Variants in CSHL1 observed in about 807,000 individuals in gnomAD.
The protein encoded by CSHL1 is chorionic somatomammotropin hormone like 1.
Under a neutral mutation model 24.3 loss-of-function variants are expected in CSHL1, and 25 were observed. That is an observed-to-expected ratio of 1.03 (90% CI 0.75 to 1.44). The LOEUF is 1.44. Ranked by LOEUF, CSHL1 falls within the 40% of genes most tolerant of loss-of-function variation. The pLI is 0.00. For missense variants in CSHL1, 342 were observed against 279.3 expected, an observed-to-expected ratio of 1.22 and a Z score of -1.60; for synonymous variants, 157 against 115.6, an observed-to-expected ratio of 1.36 and a Z score of -2.30.
At chr17:63,910,560 C>G (rs750536555) in intron 2 of CSHL1, 25 bp from the exon 3 acceptor site, 56 of 1,614,066 alleles carry the variant, frequency 3.5e-5, no homozygotes, top group Non-Finnish European at 4.5e-5. Context: ...GACCCCCCAC[C>G]AAGAAGGACC....
chr17:63,910,420 G>T lies in CSHL1; in HGVS notation c.306C>A (p.Ser102=). 1 of 1,614,202 alleles carries T rather than the reference G, an allele frequency of 6.2e-7. No individual in the cohort carries two copies. Among genetic ancestry groups the T allele is most frequent in the Middle Eastern group, 1.6e-4 (1 of 6,062 alleles). Reference sequence around the variant, plus strand: ...CCTAGGGGAGACAGCATCCACTCACGGATTTCTGCTGCGTTTCCTCCATGT... The same window carrying T: ...CCTAGGGGAGACAGCATCCACTCACTGATTTCTGCTGCGTTTCCTCCATGT... ...SSNMEETQQK[S]NLELLHISLL... is the part of the protein sequence containing the mutation. Residue 102 remains serine, a splice_region_variant and synonymous_variant, in exon 3 of 5, where the codon TCC becomes TCA. Coordinates refer to ENST00000309894, the MANE Select transcript of CSHL1 (RefSeq NM_022579.3).
chr17:63,910,071 G>T (rs767063106), intron 4 of CSHL1, 91 bp downstream of exon 4: 37 of 1,614,058 alleles, frequency 2.3e-5, no homozygotes, highest in East Asian at 4.5e-5. Context: ...GTCAGCGCCT[G>T]ACTGCTGAAA....
At position 63,910,342 on chromosome 17, in the gene CSHL1, C is replaced by T. The variant is rs189122126; in HGVS notation, c.307-16G>A. On this transcript the variant is annotated splice_polypyrimidine_tract_variant and intron_variant, in intron 3 of 4. Coordinates refer to ENST00000309894, the MANE Select transcript of CSHL1 (RefSeq NM_022579.3). ...GCTCTAAGTTCTGCAGGGGAAGGAC[C>T]GGCAGTGGCTGTGCTGCCCGGGGGC... 310 of 1,614,126 alleles carry T rather than the reference C, an allele frequency of 1.9e-4. 1 individual carries two copies. The highest frequency in any genetic ancestry group is 6.6e-4 in the Middle Eastern group (4 of 6,060).
Position 63,910,929 on chromosome 17 carries a change from G to C in CSHL1, c.11-5C>G, listed in dbSNP as rs1397327737. 3 of 1,613,690 alleles carry C rather than the reference G, an allele frequency of 1.9e-6. No individual in the cohort carries two copies. The highest frequency in any genetic ancestry group is 2.5e-6 in the Non-Finnish European group (3 of 1,179,934). ...GGAGCAGGGACGTCCGGGAGCCTGG[G>C]GAGAAACCGGAGGGCAAGAAGGGAG... On this transcript the variant is annotated splice_polypyrimidine_tract_variant and splice_region_variant and intron_variant, in intron 1 of 4. Coordinates refer to ENST00000309894, the MANE Select transcript of CSHL1 (RefSeq NM_022579.3).
Position 63,910,784 on chromosome 17 carries a change from T to C in CSHL1, c.151A>G (p.Ile51Val). 1 of 1,614,220 alleles carries C rather than the reference T, an allele frequency of 6.2e-7. No homozygotes were observed. The highest frequency in any genetic ancestry group is 8.5e-7 in the Non-Finnish European group (1 of 1,180,042). ...CTTATAAACTCCTGGTAGGTGTCAA[T>C]GGCCAGCTGGTGTGCGCGATGGGCT... ...LQAHRAHQLAIDTYQEFISSW... is the reference protein window; with the variant it reads ...LQAHRAHQLAVDTYQEFISSW... The change falls in exon 2 of 5, where the codon ATT (isoleucine) becomes GTT (valine). Residue 51 changes from isoleucine to valine, a missense_variant. Transcript: ENST00000309894.
rs1906980547 is a variant in CSHL1, at chr17:63,911,102, G to A, written c.10+85C>T. 7 of 1,611,800 alleles carry A rather than the reference G, an allele frequency of 4.3e-6. No individual in the cohort carries two copies. In the Middle Eastern group the frequency reaches 6.3e-4, roughly 146 times the overall value. On this transcript the variant is annotated intron_variant, in intron 1 of 4. Coordinates refer to ENST00000309894, the MANE Select transcript of CSHL1 (RefSeq NM_022579.3). Reference sequence around the variant, plus strand: ...ATTCACATTCAGAAGCCCCAAACCTGAGGTTAGTGCCCCCGTCCCATCTGC... The same window carrying A: ...ATTCACATTCAGAAGCCCCAAACCTAAGGTTAGTGCCCCCGTCCCATCTGC...
At chr17:63,910,996 G>A in intron 1 of CSHL1, 72 bp from the exon 2 acceptor site, 4 of 1,611,016 alleles carry the variant, frequency 2.5e-6, no homozygotes, top group Non-Finnish European at 3.4e-6. Flanking sequence ...TCCAGGAGCT[G>A]TTTTCTTTTT....
rs145983838 is a variant in CSHL1, at chr17:63,910,894, G to C, written c.41C>G (p.Ala14Gly). The C allele has an allele frequency of 2.6e-3, 4,214 of 1,614,122 alleles. 13 individuals carry two copies. The highest frequency in any genetic ancestry group is 2.9e-3 in the Non-Finnish European group (3,410 of 1,180,006). The change falls in exon 2 of 5, where the codon GCC (alanine) becomes GGC (glycine). Residue 14 changes from alanine to glycine, a missense_variant. Coordinates refer to ENST00000309894, the MANE Select transcript of CSHL1 (RefSeq NM_022579.3). ...TTGAAGCCAGGGCAGGCAGAGCAGG[G>C]CAAAAGCCAGGAGCAGGGACGTCCG... ...GSRTSLLLAF[A>G]LLCLPWLQEA...
chr17:63,910,975 A>C (rs8070629), intron 1 of CSHL1, 51 bp from the exon 2 acceptor site: 2 of 1,611,778 alleles, frequency 1.2e-6, no homozygotes, highest in South Asian at 2.2e-5. Context: ...AGAGGCCAGC[A>C]CTCTCCCTGT....
chr17:63,911,116 C>T (rs747149359), intron 1 of CSHL1, 71 bp downstream of exon 1: 44 of 1,611,974 alleles, frequency 2.7e-5, no homozygotes, highest in Admixed American at 2.3e-4. Context: ...TTAGTGCCCC[C>T]GTCCCATCTG....
At position 63,910,858 on chromosome 17, in the gene CSHL1, G is replaced by A; in HGVS notation, c.77C>T (p.Ala26Val). The change falls in exon 2 of 5, where the codon GCC (alanine) becomes GTC (valine). Residue 26 changes from alanine (A) to valine (V), a missense_variant. By Grantham distance (64) the Ala-to-Val change is moderately conservative. Coordinates refer to ENST00000309894, the MANE Select transcript of CSHL1 (RefSeq NM_022579.3). ...LCLPWLQEAG[A>V]VQTVPLSRLF... The stretch of plus-strand genomic sequence containing the variant: ...CCTGGATAAGGGAACGGTTTGGACG[G>A]CACCAGCCTCTTGAAGCCAGGGCAG... The A allele has an allele frequency of 3.1e-6, 5 of 1,614,182 alleles. No individual in the cohort carries two copies. The highest frequency in any genetic ancestry group is 4.2e-6 in the Non-Finnish European group (5 of 1,180,038).
chr17:63,910,244 T>C lies in CSHL1; in HGVS notation c.389A>G (p.Asn130Ser). The change falls in exon 4 of 5, where the codon AAC becomes AGC. Residue 130 changes from asparagine to serine, a missense_variant. Asn to Ser is a conservative substitution (Grantham distance 46, BLOSUM62 1). Coordinates refer to ENST00000309894, the MANE Select transcript of CSHL1 (RefSeq NM_022579.3). ...PVRFLRSTFT[N>S]NLVYDTSDSD... Reference sequence around the variant, plus strand: ...GTCCGAGGTGTCATACACCAGGTTGTTGGTGAAGGTACTCCTGAGGAACCG... The same window carrying C: ...GTCCGAGGTGTCATACACCAGGTTGCTGGTGAAGGTACTCCTGAGGAACCG... 5 of 1,614,160 alleles carry C rather than the reference T, an allele frequency of 3.1e-6. No homozygotes were observed. The highest frequency in any genetic ancestry group is 1.6e-4 in the Middle Eastern group (1 of 6,062).
rs1567794584 is a variant in CSHL1 at position 63,910,234 on chromosome 17, C to T, written c.399G>A (p.Val133=). Residue 133 remains valine, a synonymous_variant, in exon 4 of 5, where the codon GTG becomes GTA. Transcript: ENST00000309894. ...FLRSTFTNNL[V]YDTSDSDDYH... ...AGTCATCGCTGTCCGAGGTGTCATA[C>T]ACCAGGTTGTTGGTGAAGGTACTCC... 11 of 1,614,146 alleles carry T rather than the reference C, an allele frequency of 6.8e-6. No individual in the cohort carries two copies. Among genetic ancestry groups the T allele is most frequent in the Admixed American group, 5.0e-5 (3 of 60,026 alleles).
intron 4 of CSHL1, 96 bp downstream of exon 4, chr17:63,910,066 C>G (rs759359517): frequency 1.2e-6 from 2 of 1,614,012 alleles, no homozygotes; most frequent in African/African-American, 1.3e-5. Context: ...CTTGGGTCAG[C>G]GCCTGACTGC....
At position 63,910,365 on chromosome 17, in the gene CSHL1, G is replaced by A. The variant is rs377285134; in HGVS notation, c.307-39C>T. 5.1e-4 allele frequency: 816 copies of A among 1,614,100 alleles called. 2 individuals carry two copies. In the African/African-American group the frequency reaches 5.4e-3, roughly 11 times the overall value. ...ACCGGCAGTGGCTGTGCTGCCCGGG[G>A]GCTCTGACCACAGGTCTCCCCCATC... is the stretch of plus-strand genomic sequence containing the variant. On this transcript the variant is annotated intron_variant, in intron 3 of 4. Coordinates refer to ENST00000309894, the MANE Select transcript of CSHL1 (RefSeq NM_022579.3).
In CSHL1 at chr17:63,910,755, A is replaced by G. The variant is rs1405844302; in HGVS notation, c.180T>C (p.Ser60=). The change falls in exon 2 of 5, where the codon TCT becomes TCC. Residue 60 remains serine, a synonymous_variant. Transcript: ENST00000309894. The stretch of plus-strand genomic sequence containing the variant: ...ACCCCTGACCCGCACCCATTCCCCA[A>G]GAGCTTATAAACTCCTGGTAGGTGT... ...AIDTYQEFIS[S]WGMEAYITKE... 1 of 1,614,176 alleles carries G rather than the reference A, an allele frequency of 6.2e-7. No homozygotes were observed. The highest frequency in any genetic ancestry group is 1.7e-5 in the Admixed American group (1 of 60,024).
At position 63,910,228 on chromosome 17, in the gene CSHL1, G is replaced by C; in HGVS notation, c.405C>G (p.Asp135Glu). The C allele has an allele frequency of 6.2e-7, 1 of 1,614,028 alleles. No individual in the cohort carries two copies. The highest frequency in any genetic ancestry group is 2.2e-5 in the East Asian group (1 of 44,882). The change falls in exon 4 of 5, where the codon GAC becomes GAG. Residue 135 changes from aspartate (D) to glutamate (E), a missense_variant. Asp to Glu is a conservative substitution (Grantham distance 45). Coordinates refer to ENST00000309894, the MANE Select transcript of CSHL1 (RefSeq NM_022579.3). ...RSTFTNNLVY[D>E]TSDSDDYHLL... ...GGTGATAGTCATCGCTGTCCGAGGT[G>C]TCATACACCAGGTTGTTGGTGAAGG...
Position 63,910,785 on chromosome 17 carries a change from G to A in CSHL1, c.150C>T (p.Ala50=). Residue 50 remains alanine (A), a synonymous_variant, in exon 2 of 5, where the codon GCC becomes GCT. Coordinates refer to ENST00000309894, the MANE Select transcript of CSHL1 (RefSeq NM_022579.3). ...TTATAAACTCCTGGTAGGTGTCAAT[G>A]GCCAGCTGGTGTGCGCGATGGGCTT... The part of the protein sequence containing the change: ...MLQAHRAHQL[A]IDTYQEFISS... The A allele has an allele frequency of 6.2e-7, 1 of 1,614,200 alleles. No homozygotes were observed. The highest frequency in any genetic ancestry group is 8.5e-7 in the Non-Finnish European group (1 of 1,180,044).
rs1418413983 is a variant in CSHL1, at chr17:63,909,851, A to C, written c.529T>G (p.Phe177Val). ...TCATGGTTGTGCGAGTTTGTGTCAA[A>C]CTTGCTGTAGGTCTGCTTGAGGGTC... is the stretch of plus-strand genomic sequence containing the variant. ...GQTLKQTYSK[F>V]DTNSHNHDAL... Residue 177 changes from phenylalanine (F) to valine (V), a missense_variant, in exon 5 of 5, where the codon TTT becomes GTT. Transcript: ENST00000309894. The C allele has an allele frequency of 1.2e-6, 2 of 1,613,976 alleles. No individual in the cohort carries two copies. Among genetic ancestry groups the C allele is most frequent in the South Asian group, 1.1e-5 (1 of 91,062 alleles).
Sources: gnomAD v4.1 joint callset for allele counts on GRCh38, gnomAD v4.1.1 for gene constraint, MANE v1.5 for transcripts, NCBI Gene and HGNC (gene_info 2026-07-23, HGNC 2026-07-21) for gene names.